Variants in LRRFIP2 observed in about 807,000 individuals in gnomAD.
The protein encoded by LRRFIP2 is LRR binding FLII interacting protein 2, also known as leucine-rich repeat flightless-interacting protein 2.
A neutral mutation model predicts 125.9 loss-of-function variants in LRRFIP2; 109 were observed. The ratio of observed to expected loss-of-function variants is 0.87; its 90% CI spans 0.74 to 1.01. The LOEUF is 1.01. Among genes scored for constraint, LRRFIP2 ranks in the 50% least tolerant of loss-of-function variants. The pLI, the probability that LRRFIP2 is intolerant of heterozygous loss-of-function variation, is 0.00. For missense variants in LRRFIP2, 850 were observed against 862.3 expected (o/e 0.99, Z 0.18); for synonymous variants, 291 against 293.1 (o/e 0.99, Z 0.07).
At position 37,108,102 on chromosome 3, in the gene LRRFIP2, T is replaced by C. The variant is rs2094412101; in HGVS notation, c.685A>G (p.Arg229Gly). Residue 229 changes from arginine to glycine, a missense_variant, in exon 13 of 28, where the codon AGA becomes GGA. Physicochemically the swap from Arg to Gly is moderately radical, Grantham distance 125 (BLOSUM62 -2). Transcript: ENST00000336686. ...TPSECSYYSSRISSARSSPGF... is the reference protein window; with the variant it reads ...TPSECSYYSSGISSARSSPGF... ...GGACTGCTTCGGGCTGAACTTATTC[T>C]TGATGAATAATAACTGCATTCAGAT... The C allele has an allele frequency of 1.2e-6, 2 of 1,613,764 alleles. No individual in the cohort carries two copies. The highest frequency in any genetic ancestry group is 2.2e-5 in the East Asian group (1 of 44,854).
chr3:37,112,741 T>G (rs1329824386), intron 8 of LRRFIP2, among the ~76,000 whole-genome samples, 174 bp downstream of exon 8: 2 of 152,242 alleles, frequency 1.3e-5, no homozygotes, highest in African/African-American at 4.8e-5. Flanking sequence ...GGTTTGCATA[T>G]GTTAATACTA....
chr3:37,097,868 T>G (rs2093804498), intron 15 of LRRFIP2, among the ~76,000 whole-genome samples: 1 of 152,172 alleles, frequency 6.6e-6, no homozygotes. Flanking sequence ...AATATATATG[T>G]TATTCCAATT....
At chr3:37,080,999 A>C (rs2092593635) in intron 19 of LRRFIP2, among the ~76,000 whole-genome samples, 1 of 152,168 alleles carries the variant, frequency 6.6e-6, no homozygotes, top group Admixed American at 6.5e-5. Context: ...AAGAGAAACA[A>C]TGGGCTGGGC....
intron 19 of LRRFIP2, among the ~76,000 whole-genome samples, chr3:37,076,914 T>C (rs567501510): frequency 6.6e-6 from 1 of 151,940 alleles, no homozygotes; most frequent in South Asian, 2.1e-4. Flanking sequence ...ACTAACTGCA[T>C]AGAATAATAA....
intron 20 of LRRFIP2, among the ~76,000 whole-genome samples, chr3:37,073,873 G>A (rs2091655913): frequency 6.6e-6 from 1 of 152,092 alleles, no homozygotes; most frequent in Non-Finnish European, 1.5e-5. Flanking sequence ...GGCACAAAAA[G>A]ATAAAAGAAC....
intron 1 of LRRFIP2, among the ~76,000 whole-genome samples, chr3:37,170,175 T>G (rs2096565788): frequency 6.6e-6 from 1 of 152,074 alleles, no homozygotes; most frequent in Non-Finnish European, 1.5e-5. Flanking sequence ...CAACCTAATC[T>G]AAAGCAAAAA....
intron 14 of LRRFIP2, among the ~76,000 whole-genome samples, chr3:37,103,492 G>C (rs2094175047): frequency 6.6e-6 from 1 of 152,010 alleles, no homozygotes; most frequent in South Asian, 2.1e-4. Context: ...TATTCCCAAA[G>C]ACCAGGAAAT....
chr3:37,142,598 CTT>C (rs143393601), intron 2 of LRRFIP2, among the ~76,000 whole-genome samples: 2,365 of 152,236 alleles, frequency 0.016, 55 homozygotes, highest in African/African-American at 0.043. Context: ...CAGTGAAAGA[CTT>C]TATGCATTCT....
At chr3:37,142,232 G>A (rs897674624) in intron 2 of LRRFIP2, among the ~76,000 whole-genome samples, 1 of 147,338 alleles carries the variant, frequency 6.8e-6, no homozygotes, top group African/African-American at 2.5e-5. Flanking sequence ...CAACCTCCCT[G>A]GGCTCAGGCA....
chr3:37,124,922 T>C (rs995110092), intron 4 of LRRFIP2, among the ~76,000 whole-genome samples: 4 of 152,150 alleles, frequency 2.6e-5, no homozygotes, highest in African/African-American at 7.2e-5. Flanking sequence ...GCAAACTGTG[T>C]TCTTAGGTGC....
At chr3:37,155,027 T>A (rs977108856) in intron 1 of LRRFIP2, among the ~76,000 whole-genome samples, 1 of 152,236 alleles carries the variant, frequency 6.6e-6, no homozygotes, top group Non-Finnish European at 1.5e-5. Context: ...GTATATGGAA[T>A]TGTCCCTGAA....
intron 26 of LRRFIP2, 28 bp from the exon 27 acceptor site, chr3:37,054,543 G>A (rs767307340): frequency 6.7e-7 from 1 of 1,484,546 alleles, no homozygotes; most frequent in South Asian, 1.2e-5. Context: ...TAGGCCTCTA[G>A]TACTGGGCAC....
intron 19 of LRRFIP2, among the ~76,000 whole-genome samples, chr3:37,082,294 C>T (rs915756396): frequency 6.6e-6 from 1 of 152,114 alleles, no homozygotes; most frequent in Non-Finnish European, 1.5e-5. Flanking sequence ...CTTCAATGGG[C>T]CACTGTCAGT....
Position 37,112,354 on chromosome 3 carries a change from GAAAAGAAA to G in LRRFIP2, c.438+553_438+560del, listed in dbSNP as rs1450660867. 1.0e-4 allele frequency among the ~76,000 whole-genome samples: 15 copies of G among 146,430 alleles called. No individual in the cohort carries two copies. In the East Asian group the frequency reaches 1.8e-3, roughly 17 times the overall value. ...CATCTCAAAAAAAGAAAAAAAAAAA[GAAAAGAAA>G]AAAAGAAAAAGAAAAAAGAAGTGTT... On this transcript the variant is annotated intron_variant, in intron 8 of 27. Transcript: ENST00000336686.
chr3:37,173,833 G>C (rs1219207519), intron 1 of LRRFIP2, among the ~76,000 whole-genome samples: 1 of 152,170 alleles, frequency 6.6e-6, no homozygotes, highest in Non-Finnish European at 1.5e-5. Flanking sequence ...ATTTGTTTTT[G>C]TTTTGAGAGA....
At chr3:37,054,299 ACT>A in intron 27 of LRRFIP2, 110 bp downstream of exon 27, 1 of 807,430 alleles carries the variant, frequency 1.2e-6, no homozygotes, top group African/African-American at 1.7e-5. Context: ...TAGTTAAGTG[ACT>A]CCACTGCTGT....
intron 15 of LRRFIP2, among the ~76,000 whole-genome samples, chr3:37,097,223 CAA>C (rs1165272705): frequency 6.7e-6 from 1 of 150,016 alleles, no homozygotes; most frequent in Non-Finnish European, 1.5e-5. Flanking sequence ...TCAAACAGCA[CAA>C]AAGAGTATGA....
intron 23 of LRRFIP2, 122 bp downstream of exon 23, chr3:37,065,688 G>T: frequency 1.7e-6 from 2 of 1,211,296 alleles, no homozygotes; most frequent in Admixed American, 1.7e-5. Context: ...GATTCTTCTA[G>T]TTAAGGATCT....
chr3:37,142,388 C>T (rs1479608648), intron 2 of LRRFIP2, among the ~76,000 whole-genome samples: 1 of 152,130 alleles, frequency 6.6e-6, no homozygotes, highest in Non-Finnish European at 1.5e-5. Context: ...ACAATCCGCC[C>T]ACCTCGGCCT....
Sources: allele counts gnomAD v4.1 joint callset (sites outside exome capture counted in the v4.1 genomes callset), GRCh38; gene constraint gnomAD v4.1.1; transcripts MANE v1.5; gene names NCBI Gene and HGNC (gene_info 2026-07-23, HGNC 2026-07-21).